Variants in MED21 observed in about 807,000 individuals in gnomAD.
MED21 encodes the protein mediator of RNA polymerase II transcription subunit 21.
A neutral mutation model predicts 18.2 loss-of-function variants in MED21; 9 were observed. That is an observed-to-expected ratio of 0.49 (90% CI 0.30 to 0.86). The LOEUF (loss-of-function observed/expected upper bound fraction) is 0.86. Ranked by LOEUF, MED21 falls within the 40% of genes least tolerant of loss-of-function variation. The pLI, the probability that MED21 is intolerant of heterozygous loss-of-function variation, is 0.07. For missense variants in MED21, 150 were observed against 170.9 expected (o/e 0.88, Z 0.68); for synonymous variants, 73 against 60.5 (o/e 1.21, Z -0.96).
At chr12:27,023,952 GGTAGGTTGATTTACA>G (rs1941511084) in intron 1 of MED21, among the ~76,000 whole-genome samples, 1 of 152,174 alleles carries the variant, frequency 6.6e-6, no homozygotes, top group South Asian at 2.1e-4. Context: ...CTGGCAGTGT[GGTAGGTTGATTTACA>G]GCAGCATCAC....
chr12:27,028,504 G>A lies in MED21; in HGVS notation c.*43G>A, dbSNP rs1356618165. 2 of 1,576,952 alleles carry A rather than the reference G, an allele frequency of 1.3e-6. No individual in the cohort carries two copies. Among genetic ancestry groups the A allele is most frequent in the Non-Finnish European group, 1.7e-6 (2 of 1,157,074 alleles). On this transcript the variant is annotated 3_prime_UTR_variant, in exon 4 of 4. Transcript: ENST00000282892. Reference sequence around the variant, plus strand: ...TGGCTGAGAAAAGAACTGTTTGAGTGCCATTAAGAATTCTGCATCAGACTT... The same window carrying A: ...TGGCTGAGAAAAGAACTGTTTGAGTACCATTAAGAATTCTGCATCAGACTT...
chr12:27,028,953 A>G lies in MED21; in HGVS notation c.*492A>G, dbSNP rs1941581041. ...TTGGAAATTGTGTTGCTTTTAAGAA[A>G]TAGAGTTAGTGTGGCTGGATAAGAA... On this transcript the variant is annotated 3_prime_UTR_variant, in exon 4 of 4. Coordinates refer to ENST00000282892, the MANE Select transcript of MED21 (RefSeq NM_004264.5). 3 of 985,498 alleles carry G rather than the reference A, an allele frequency of 3.0e-6. No individual in the cohort carries two copies. The highest frequency in any genetic ancestry group is 2.4e-6 in the Non-Finnish European group (2 of 830,082). 61.0% of individuals were successfully genotyped at this position (985,498 alleles called of 1,614,324 possible). A position where few individuals can be genotyped will look rare whatever the true frequency, so the allele number is the denominator to read the frequency against.
chr12:27,029,560 T>C lies in MED21; in HGVS notation c.*1099T>C, dbSNP rs932142954. ...AAGTTTCAGGAGAAAACAGGAACAA[T>C]AGAACACTCTGCCTGTTATTTTTGT... On this transcript the variant is annotated 3_prime_UTR_variant, in exon 4 of 4. Coordinates refer to ENST00000282892, the MANE Select transcript of MED21 (RefSeq NM_004264.5). The C allele has an allele frequency of 3.1e-5, 31 of 985,308 alleles. No individual in the cohort carries two copies. The highest frequency in any genetic ancestry group is 3.6e-5 in the Non-Finnish European group (30 of 829,916). 61.0% of individuals were successfully genotyped at this position (985,308 alleles called of 1,614,324 possible).
chr12:27,027,554 A>G (rs1466929950), intron 3 of MED21, 107 bp downstream of exon 3: 9 of 725,204 alleles, frequency 1.2e-5, no homozygotes, highest in Admixed American at 4.9e-5. Context: ...CTATAACAAC[A>G]TACCTGAGAC....
At chr12:27,031,888 C>T (rs1335378354), downstream of MED21, among the ~76,000 whole-genome samples, 2 of 152,104 alleles carry the variant, frequency 1.3e-5, no homozygotes, top group Admixed American at 6.6e-5. Flanking sequence ...CAGTTAAGTC[C>T]AGGTCAGCCA....
At chr12:27,022,645 CTCTG>C (rs1458544425) in intron 1 of MED21, 24 bp downstream of exon 1, 1 of 1,608,058 alleles carries the variant, frequency 6.2e-7, no homozygotes, top group Non-Finnish European at 8.5e-7. Flanking sequence ...TTCGATTAGC[CTCTG>C]TCTTTCTCTT....
At chr12:27,022,981 G>A in intron 1 of MED21, 1 of 984,622 alleles carries the variant, frequency 1.0e-6, no homozygotes, top group Non-Finnish European at 1.3e-6. Flanking sequence ...GGGGTTGGGA[G>A]GAGAAGCAGG....
chr12:27,038,034 C>A (rs1941660373), intron 2 of MED21: 1 of 152,182 alleles, frequency 6.6e-6, no homozygotes, highest in Non-Finnish European at 1.5e-5. Flanking sequence ...TCCCTTTCAG[C>A]TTGGGAATAA....
Position 27,028,615 on chromosome 12 carries a change from C to A in MED21, c.*154C>A. The A allele has an allele frequency of 7.6e-7, 1 of 1,310,380 alleles. No homozygotes were observed. The highest frequency in any genetic ancestry group is 9.7e-7 in the Non-Finnish European group (1 of 1,026,292). 81.2% of individuals were successfully genotyped at this position (1,310,380 alleles called of 1,614,324 possible). On this transcript the variant is annotated 3_prime_UTR_variant, in exon 4 of 4. Coordinates refer to ENST00000282892, the MANE Select transcript of MED21 (RefSeq NM_004264.5). ...GCTATTTTTAATAGTCTTCTATTTT[C>A]ACTCTTGATAAGCTTATAAAATCAT...
chr12:27,027,533 C>A (rs1359338190), intron 3 of MED21, 86 bp downstream of exon 3: 3 of 904,274 alleles, frequency 3.3e-6, no homozygotes, highest in South Asian at 1.5e-5. Flanking sequence ...TGTCTGTGTC[C>A]ATTTGTGCTG....
chr12:27,035,017 G>T (rs1941640671), downstream of MED21, among the ~76,000 whole-genome samples: 1 of 152,178 alleles, frequency 6.6e-6, no homozygotes, highest in African/African-American at 2.4e-5. Flanking sequence ...CTCCCTAAGT[G>T]CTGGGATTAC....
At chr12:27,033,852 T>C (rs1292894087), downstream of MED21, among the ~76,000 whole-genome samples, 1 of 152,222 alleles carries the variant, frequency 6.6e-6, no homozygotes, top group South Asian at 2.1e-4. Context: ...AGACAGCATG[T>C]AGGAGAAAAT....
At chr12:27,037,534 T>A (rs1364013662) in intron 2 of MED21, 1 of 152,182 alleles carries the variant, frequency 6.6e-6, no homozygotes, top group Non-Finnish European at 1.5e-5. Flanking sequence ...TCAAAGGGAA[T>A]GCTTCCAGTT....
In MED21 at chr12:27,029,033, A is replaced by G; in HGVS notation, c.*572A>G. The G allele has an allele frequency of 6.1e-6, 6 of 985,400 alleles. No individual in the cohort carries two copies. The highest frequency in any genetic ancestry group is 7.2e-6 in the Non-Finnish European group (6 of 829,912). The allele number at this position is 985,400 out of a possible 1,614,324, so 61.0% of individuals were successfully genotyped here. On this transcript the variant is annotated 3_prime_UTR_variant, in exon 4 of 4. Coordinates refer to ENST00000282892, the MANE Select transcript of MED21 (RefSeq NM_004264.5). ...TAGAACCTCATACCTGTTCTAGTTC[A>G]TCTCCACGTTTATTTTACCAAGAGA...
chr12:27,028,564 A>T lies in MED21; in HGVS notation c.*103A>T, dbSNP rs1256631205. 1.4e-6 allele frequency: 2 copies of T among 1,458,380 alleles called. No individual in the cohort carries two copies. The highest frequency in any genetic ancestry group is 2.8e-5 in the African/African-American group (2 of 71,270). 90.3% of individuals were successfully genotyped at this position (1,458,380 alleles called of 1,614,324 possible). On this transcript the variant is annotated 3_prime_UTR_variant, in exon 4 of 4. Coordinates refer to ENST00000282892, the MANE Select transcript of MED21 (RefSeq NM_004264.5). ...CCTTACCAACAATTACAGAAACATT[A>T]AACACTATGACACATTACCTTTTTA...
chr12:27,023,305 T>TTTTC (rs1184635272), intron 1 of MED21, among the ~76,000 whole-genome samples: 18 of 141,428 alleles, frequency 1.3e-4, no homozygotes, highest in African/African-American at 4.9e-4. Flanking sequence ...CTTTTCTTTT[T>TTTTC]TTTTTTTTTT....
chr12:27,032,946 C>T (rs151243757), downstream of MED21, among the ~76,000 whole-genome samples: 3 of 152,308 alleles, frequency 2.0e-5, 1 homozygote, highest in African/African-American at 7.2e-5. Flanking sequence ...GAAGGACATT[C>T]CCTGCTCAGC....
chr12:27,027,386 C>T lies in MED21; in HGVS notation c.197C>T (p.Ala66Val), dbSNP rs747723701. ...TTTGCAGCACTGATTGCACGAACAGCAAAAGACATTGATGTTTTGATAGAT... is the reference window on the plus strand; with the variant it reads ...TTTGCAGCACTGATTGCACGAACAGTAAAAGACATTGATGTTTTGATAGAT... ...QLFAALIARTAKDIDVLIDSL... is the reference protein window; with the variant it reads ...QLFAALIARTVKDIDVLIDSL... Residue 66 changes from alanine to valine, a missense_variant, in exon 3 of 4, where the codon GCA (alanine) becomes GTA (valine). By Grantham distance (64) the Ala-to-Val change is moderately conservative. Transcript: ENST00000282892. 1 of 1,613,786 alleles carries T rather than the reference C, an allele frequency of 6.2e-7. No homozygotes were observed. Among genetic ancestry groups the T allele is most frequent in the South Asian group, 1.1e-5 (1 of 91,060 alleles).
chr12:27,024,214 T>C (rs11048820), intron 1 of MED21, among the ~76,000 whole-genome samples: 34,410 of 152,164 alleles, frequency 0.23, 4,914 homozygotes, highest in Non-Finnish European at 0.33. Flanking sequence ...CATTGTCTGA[T>C]TGTGATTTAA....
Sources: gnomAD v4.1 joint callset for allele counts (sites outside exome capture counted in the v4.1 genomes callset) on GRCh38, gnomAD v4.1.1 for gene constraint, MANE v1.5 for transcripts, NCBI Gene and HGNC (gene_info 2026-07-23, HGNC 2026-07-21) for gene names.